The following PPIP5K1 variants were observed in gnomAD, a reference collection of about 807,000 sequenced individuals.
The protein encoded by PPIP5K1 is diphosphoinositol pentakisphosphate kinase 1.
A neutral mutation model predicts 27.7 loss-of-function variants in PPIP5K1; 6 were observed. That is an observed-to-expected ratio of 0.22 (90% confidence interval 0.12 to 0.43). The LOEUF (loss-of-function observed/expected upper bound fraction) is 0.43. Ranked by LOEUF, PPIP5K1 falls within the 20% of genes least tolerant of loss-of-function variation. PPIP5K1 has a pLI of 1.00. For missense variants in PPIP5K1, 394 were observed against 635.4 expected, an observed-to-expected ratio of 0.62 and a Z score of 4.08; for synonymous variants, 145 against 242.6, an observed-to-expected ratio of 0.60 and a Z score of 3.74.
At chr15:43,559,973 G>C (rs2083571934) in intron 29 of PPIP5K1, among the ~76,000 whole-genome samples, 1 of 151,804 alleles carries the variant, frequency 6.6e-6, no homozygotes, top group Non-Finnish European at 1.5e-5. Flanking sequence ...CGAAGCTCTG[G>C]ACTTTGCCCC....
At chr15:43,556,491 G>C (rs1329222829) in intron 30 of PPIP5K1, among the ~76,000 whole-genome samples, 1 of 147,348 alleles carries the variant, frequency 6.8e-6, no homozygotes, top group Non-Finnish European at 1.5e-5. Context: ...TCAAAAATTA[G>C]CCGGGCATGG....
At chr15:43,550,126 ATCTTTCTTTTT>A (rs1330728449) in intron 30 of PPIP5K1, among the ~76,000 whole-genome samples, 1 of 151,484 alleles carries the variant, frequency 6.6e-6, no homozygotes, top group Non-Finnish European at 1.5e-5. Flanking sequence ...TTGTGAGTTG[ATCTTTCTTTTT>A]TCTTTCTTTT....
chr15:43,541,311 C>G (rs2080671634), intron 30 of PPIP5K1, among the ~76,000 whole-genome samples: 1 of 152,148 alleles, frequency 6.6e-6, no homozygotes, highest in African/African-American at 2.4e-5. Flanking sequence ...TGGGCTTTTA[C>G]CATGCTGCCT....
chr15:43,552,538 A>AAAAAAAGAAAAAAAAAAG (rs2082345736), intron 30 of PPIP5K1, among the ~76,000 whole-genome samples: 1 of 147,508 alleles, frequency 6.8e-6, no homozygotes, highest in African/African-American at 2.5e-5. Context: ...TAAAAAAAAA[A>AAAAAAAGAAAAAAAAAAG]AAAAAAAGAA....
chr15:43,543,747 G>A (rs943437897), intron 30 of PPIP5K1, among the ~76,000 whole-genome samples: 20 of 151,004 alleles, frequency 1.3e-4, no homozygotes, highest in South Asian at 4.2e-4. Context: ...GAAAATCCTC[G>A]TTCCTAATAA....
chr15:43,540,768 G>C (rs541156052), intron 30 of PPIP5K1, among the ~76,000 whole-genome samples: 3 of 148,958 alleles, frequency 2.0e-5, no homozygotes, highest in African/African-American at 7.4e-5. Flanking sequence ...GCTGAGGCAT[G>C]AGAATCACTT....
rs554931823 is a variant in PPIP5K1 at position 43,538,666 on chromosome 15, C to T, written c.3670+804G>A. Among the ~76,000 whole-genome samples the T allele has an allele frequency of 2.0e-4, 30 of 152,288 alleles. No homozygotes were observed. In the East Asian group the frequency reaches 5.8e-3, roughly 30 times the overall value. On this transcript the variant is annotated intron_variant, in intron 31 of 31. Transcript: ENST00000420765. ...AGCTGGGACTACAGGCACCCACCACCACGCTCGGCTAATTTTTTGTATTTT... is the reference window on the plus strand; with the variant it reads ...AGCTGGGACTACAGGCACCCACCACTACGCTCGGCTAATTTTTTGTATTTT...
chr15:43,537,685 T>C (rs2080076831), intron 31 of PPIP5K1, among the ~76,000 whole-genome samples: 1 of 74,738 alleles, frequency 1.3e-5, no homozygotes, highest in Admixed American at 1.8e-4. Context: ...CAAGACTCCA[T>C]CTCAAAAAAA....
chr15:43,535,111 A>G lies in PPIP5K1; in HGVS notation c.4036T>C (p.Cys1346Arg). 6.2e-7 allele frequency: 1 copy of G among 1,613,550 alleles called. No homozygotes were observed. Residue 1346 changes from cysteine (C) to arginine (R), a missense_variant, in exon 32 of 32, where the codon TGC (cysteine) becomes CGC (arginine). By Grantham distance (180) the Cys-to-Arg change is radical (BLOSUM62 -3). Around this residue, in one of 4 missense-constraint regions of PPIP5K1, gnomAD observed 379 missense variants for 423.9 expected, o/e 0.89. Transcript: ENST00000420765. ...TTACCATTGTCATGGTTCTCCTGGC[A>G]TTGCTGGCTGATGTCAGGGACCTTC... ...CQKVPDISQQCQENHDNGNHT... is the reference protein window; with the variant it reads ...CQKVPDISQQRQENHDNGNHT...
intron 10 of PPIP5K1, among the ~76,000 whole-genome samples, chr15:43,579,631 G>GTATATA (rs1377430959): frequency 2.8e-5 from 1 of 35,720 alleles, no homozygotes; most frequent in Non-Finnish European, 3.9e-5. Context: ...GTGTGTGTGT[G>GTATATA]TATATATATA....
chr15:43,538,890 G>C (rs2080280882), intron 31 of PPIP5K1, among the ~76,000 whole-genome samples: 1 of 152,162 alleles, frequency 6.6e-6, no homozygotes, highest in African/African-American at 2.4e-5. Context: ...ATCAAATAGG[G>C]ATGAAAGGGG....
In PPIP5K1 at chr15:43,558,879, T is replaced by C; in HGVS notation, c.3472A>G (p.Asn1158Asp). ...CTCACTTGACGTAGGGAAAGGGCATTATGCAGTGTTTCCAGAGGGTAGATG... is the reference window on the plus strand; with the variant it reads ...CTCACTTGACGTAGGGAAAGGGCATCATGCAGTGTTTCCAGAGGGTAGATG... Reference protein sequence around the residue: ...PTIYPLETLHNALSLRQVSEF... With the variant: ...PTIYPLETLHDALSLRQVSEF... Residue 1158 changes from asparagine to aspartate, a missense_variant, in exon 30 of 32, where the codon AAT becomes GAT. Asn to Asp is a conservative substitution (Grantham distance 23). Around this residue, in one of 4 missense-constraint regions of PPIP5K1, gnomAD observed 379 missense variants for 423.9 expected, o/e 0.89. Transcript: ENST00000420765. The C allele has an allele frequency of 1.9e-6, 3 of 1,613,926 alleles. No individual in the cohort carries two copies. Among genetic ancestry groups the C allele is most frequent in the Non-Finnish European group, 2.5e-6 (3 of 1,179,978 alleles).
At chr15:43,549,194 G>A (rs907285776) in intron 30 of PPIP5K1, among the ~76,000 whole-genome samples, 1 of 150,610 alleles carries the variant, frequency 6.6e-6, no homozygotes, top group Non-Finnish European at 1.5e-5. Flanking sequence ...TCACAGGCAT[G>A]AACCACTGTA....
intron 30 of PPIP5K1, among the ~76,000 whole-genome samples, chr15:43,541,033 A>G (rs2080626373): frequency 6.6e-6 from 1 of 152,204 alleles, no homozygotes; most frequent in African/African-American, 2.4e-5. Context: ...TCTTTTATAA[A>G]AGCATCCAAA....
chr15:43,579,411 C>CACACACACACACACACGTATGTGT (rs2084679800), intron 10 of PPIP5K1, among the ~76,000 whole-genome samples: 1 of 117,136 alleles, frequency 8.5e-6, no homozygotes, highest in South Asian at 2.6e-4. Flanking sequence ...CACACACACA[C>CACACACACACACACACGTATGTGT]ACACACACAC....
rs553201998 is a variant in PPIP5K1, at chr15:43,550,566, G to C, written c.3556+8229C>G. 6.0e-5 allele frequency among the ~76,000 whole-genome samples: 9 copies of C among 151,038 alleles called. No individual in the cohort carries two copies. In the South Asian group the frequency reaches 1.1e-3, roughly 18 times the overall value. ...TTTTATATTTGGGACCATGTCCTCT[G>C]TGAACAGAAATACTTTTATTTTTTC... On this transcript the variant is annotated intron_variant, in intron 30 of 31. Transcript: ENST00000420765.
At chr15:43,559,002 T>C in intron 29 of PPIP5K1, 70 bp from the exon 30 acceptor site, 1 of 1,590,002 alleles carries the variant, frequency 6.3e-7, no homozygotes, top group Non-Finnish European at 8.6e-7. Context: ...CAAGGAAGCA[T>C]GGAGAGTCCC....
At chr15:43,537,707 A>AT (rs1491318163) in intron 31 of PPIP5K1, among the ~76,000 whole-genome samples, 2 of 99,306 alleles carry the variant, frequency 2.0e-5, no homozygotes, top group Non-Finnish European at 3.6e-5. Flanking sequence ...AAAAAAAAAA[A>AT]GAGAGAGAGA....
chr15:43,552,741 A>C (rs1370732055), intron 30 of PPIP5K1, among the ~76,000 whole-genome samples: 3 of 151,524 alleles, frequency 2.0e-5, no homozygotes, highest in Non-Finnish European at 4.4e-5. Context: ...TCACCCACAA[A>C]AATTAAAAAT....
Sources: allele counts gnomAD v4.1 joint callset (sites outside exome capture counted in the v4.1 genomes callset), GRCh38; gene constraint gnomAD v4.1.1; regional missense constraint gnomAD v4.1.1; transcripts MANE v1.5; gene names NCBI Gene and HGNC (gene_info 2026-07-23, HGNC 2026-07-21).